PPP4R2: variants seen among roughly 807,000 people sequenced by gnomAD.
PPP4R2 encodes serine/threonine-protein phosphatase 4 regulatory subunit 2.
In PPP4R2, 13 loss-of-function variants were observed where a neutral mutation model predicts 47.2. That is an observed-to-expected ratio of 0.28 (90% CI 0.18 to 0.44). The LOEUF is 0.44. Among genes scored for constraint, PPP4R2 ranks in the 20% least tolerant of loss-of-function variants. The pLI, the probability that PPP4R2 is intolerant of heterozygous loss-of-function variation, is 1.00. For missense variants in PPP4R2, 421 were observed against 491.2 expected (o/e 0.86, Z 1.35); for synonymous variants, 151 against 163.3 (o/e 0.92, Z 0.57).
At chr3:73,062,993 G>A in intron 5 of PPP4R2, 1 of 1,101,648 alleles carries the variant, frequency 9.1e-7, no homozygotes, top group Non-Finnish European at 1.3e-6. Context: ...GGGCCATTGT[G>A]TCTGAGATCC....
At chr3:73,015,349 A>G (rs1037690284) in intron 2 of PPP4R2, among the ~76,000 whole-genome samples, 2 of 149,090 alleles carry the variant, frequency 1.3e-5, no homozygotes, top group African/African-American at 4.9e-5. Flanking sequence ...GCTGATTTTT[A>G]CATTTTTAGT....
chr3:73,025,176 G>T (rs1024851445), intron 2 of PPP4R2, among the ~76,000 whole-genome samples: 2 of 152,168 alleles, frequency 1.3e-5, no homozygotes, highest in Admixed American at 1.3e-4. Flanking sequence ...CTGGGGAGCT[G>T]ACTCATTAGT....
At chr3:73,052,574 A>G (rs1007794693) in intron 3 of PPP4R2, among the ~76,000 whole-genome samples, 55 of 108,158 alleles carry the variant, frequency 5.1e-4, no homozygotes, top group African/African-American at 2.1e-3. Context: ...GGTATACACA[A>G]AGAGGCATTT....
intron 7 of PPP4R2, 142 bp downstream of exon 7, chr3:73,064,288 T>G: frequency 1.4e-6 from 1 of 690,410 alleles, no homozygotes. Context: ...TGGCTTCTCT[T>G]TGCAGCTGTA....
At chr3:72,998,929 C>G (rs534778812) in intron 2 of PPP4R2, among the ~76,000 whole-genome samples, 70 of 152,080 alleles carry the variant, frequency 4.6e-4, no homozygotes, top group Non-Finnish European at 9.6e-4. Flanking sequence ...GGGTAGGTTT[C>G]TATGGTTTCA....
At chr3:73,062,804 T>G (rs778107698) in intron 5 of PPP4R2, 1 of 1,613,802 alleles carries the variant, frequency 6.2e-7, no homozygotes, top group African/African-American at 1.3e-5. Flanking sequence ...CAGCCATAGG[T>G]TGGATCAGCT....
rs181229240 is a variant in PPP4R2 at position 73,059,166 on chromosome 3, G to A, written c.381+36G>A. 2.4e-4 allele frequency: 239 copies of A among 1,009,106 alleles called. 1 individual carries two copies. In the East Asian group the frequency reaches 5.9e-3, roughly 25 times the overall value. 62.5% of individuals were successfully genotyped at this position (1,009,106 alleles called of 1,614,324 possible). A position where few individuals can be genotyped will look rare whatever the true frequency, so the allele number is the denominator to read the frequency against. On this transcript the variant is annotated intron_variant, in intron 4 of 8. Coordinates refer to ENST00000356692, the MANE Select transcript of PPP4R2 (RefSeq NM_174907.4). Reference sequence around the variant, plus strand: ...TATTATTGGAATTATATTATGCTGTGGTGTAATAGCTTTTATTTTAGAAAA... The same window carrying A: ...TATTATTGGAATTATATTATGCTGTAGTGTAATAGCTTTTATTTTAGAAAA...
At position 73,012,424 on chromosome 3, in the gene PPP4R2, C is replaced by T. The variant is rs533156878; in HGVS notation, c.116+14266C>T. ...ACGCCATTCTCCTGCCTCAGCCTCC[C>T]GCTTAGCTGGGACTACGAGCGCCTG... On this transcript the variant is annotated intron_variant, in intron 2 of 8. Coordinates refer to ENST00000356692, the MANE Select transcript of PPP4R2 (RefSeq NM_174907.4). Among the ~76,000 whole-genome samples the T allele has an allele frequency of 1.1e-4, 16 of 152,236 alleles. No individual in the cohort carries two copies. The East Asian group carries it at 2.3e-3, about 22-fold the overall frequency.
chr3:73,020,022 G>A (rs993673585), intron 2 of PPP4R2, among the ~76,000 whole-genome samples: 1 of 152,084 alleles, frequency 6.6e-6, no homozygotes, highest in Non-Finnish European at 1.5e-5. Context: ...CATATGTCAC[G>A]ATTTCTTCAA....
At position 73,000,421 on chromosome 3, in the gene PPP4R2, T is replaced by C. The variant is rs1398873880; in HGVS notation, c.116+2263T>C. Among the ~76,000 whole-genome samples the C allele has an allele frequency of 4.6e-5, 7 of 152,216 alleles. No homozygotes were observed. The South Asian group carries it at 1.4e-3, about 32-fold the overall frequency. ...AACAGAAGTAGTATGTGAAACTGTT[T>C]ATGGATCAAAATCAGTGACCCCCCA... On this transcript the variant is annotated intron_variant, in intron 2 of 8. Coordinates refer to ENST00000356692, the MANE Select transcript of PPP4R2 (RefSeq NM_174907.4).
In PPP4R2 at chr3:73,065,523, C is replaced by G; in HGVS notation, c.1055C>G (p.Ser352Cys). Residue 352 changes from serine (S) to cysteine (C), a missense_variant, in exon 9 of 9, where the codon TCT becomes TGT. Coordinates refer to ENST00000356692, the MANE Select transcript of PPP4R2 (RefSeq NM_174907.4). The stretch of plus-strand genomic sequence containing the variant: ...AATCAAATGGAGGAATCTGATGTGT[C>G]TCAAGCTGAGAAAGATTTGCTACAT... Reference protein sequence around the residue: ...ENNQMEESDVSQAEKDLLHSE... With the variant: ...ENNQMEESDVCQAEKDLLHSE... 1 of 1,611,988 alleles carries G rather than the reference C, an allele frequency of 6.2e-7. No individual in the cohort carries two copies. Among genetic ancestry groups the G allele is most frequent in the East Asian group, 2.2e-5 (1 of 44,858 alleles).
chr3:73,047,080 T>G (rs562313349), intron 2 of PPP4R2, 106 bp from the exon 3 acceptor site: 1 of 634,284 alleles, frequency 1.6e-6, no homozygotes, highest in African/African-American at 1.9e-5. Flanking sequence ...TATTCACATC[T>G]TAATTTTGTT....
In PPP4R2 at chr3:73,067,679, T is replaced by C. The variant is rs1703029269; in HGVS notation, c.*1957T>C. 6.6e-6 allele frequency: 1 copy of C among 152,172 alleles called. No homozygotes were observed. The highest frequency in any genetic ancestry group is 2.4e-5 in the African/African-American group (1 of 41,460). 9.4% of individuals were successfully genotyped at this position (152,172 alleles called of 1,614,324 possible). On this transcript the variant is annotated 3_prime_UTR_variant, in exon 9 of 9. Coordinates refer to ENST00000356692, the MANE Select transcript of PPP4R2 (RefSeq NM_174907.4). ...CCTAAGATCCTGTGACCTTTTGATA[T>C]TTTTTATTTTAATTGTAGTGCCATG...
At position 73,021,640 on chromosome 3, in the gene PPP4R2, A is replaced by G. The variant is rs138002921; in HGVS notation, c.116+23482A>G. ...TCTCAAAGGGGAAGCTCTGTTTATCACAGTATTTGTGTAATTCCTGATTTT... is the reference window on the plus strand; with the variant it reads ...TCTCAAAGGGGAAGCTCTGTTTATCGCAGTATTTGTGTAATTCCTGATTTT... On this transcript the variant is annotated intron_variant, in intron 2 of 8. Transcript: ENST00000356692. Among the ~76,000 whole-genome samples, 222 of 152,218 alleles carry G rather than the reference A, an allele frequency of 1.5e-3. 1 individual carries two copies. The highest frequency in any genetic ancestry group is 6.8e-3 in the Middle Eastern group (2 of 294).
chr3:73,005,531 C>G (rs1701589845), intron 2 of PPP4R2, among the ~76,000 whole-genome samples: 1 of 151,694 alleles, frequency 6.6e-6, no homozygotes, highest in African/African-American at 2.4e-5. Flanking sequence ...GTCTTGAATT[C>G]TTCTTTTGAG....
intron 2 of PPP4R2, among the ~76,000 whole-genome samples, chr3:73,046,250 C>T (rs1702484819): frequency 6.6e-6 from 1 of 152,110 alleles, no homozygotes. Context: ...TAGCTTTGAC[C>T]TCTTGGACCA....
rs1575893380 is a variant in PPP4R2, at chr3:73,063,588, C to T, written c.420-85C>T. On this transcript the variant is annotated intron_variant, in intron 5 of 8. Coordinates refer to ENST00000356692, the MANE Select transcript of PPP4R2 (RefSeq NM_174907.4). ...GCAGTGAGCTGAGATTGCACCACTG[C>T]ACTCCATTCCACCTTGGGTGACAGA... The T allele has an allele frequency of 1.2e-5, 9 of 743,660 alleles. No individual in the cohort carries two copies. In the East Asian group the frequency reaches 1.3e-4, roughly 11 times the overall value. The allele number at this position is 743,660 out of a possible 1,614,324, so 46.1% of individuals were successfully genotyped here. A position where few individuals can be genotyped will look rare whatever the true frequency, so the allele number is the denominator to read the frequency against.
intron 6 of PPP4R2, 71 bp downstream of exon 6, chr3:73,063,818 T>G: frequency 8.1e-7 from 1 of 1,235,048 alleles, no homozygotes; most frequent in Admixed American, 1.8e-5. Flanking sequence ...CTTAGTGTAC[T>G]TTTTAAAAAT....
chr3:73,065,589 C>A lies in PPP4R2; in HGVS notation c.1121C>A (p.Ser374Tyr), dbSNP rs146740147. Residue 374 changes from serine (S) to tyrosine (Y), a missense_variant, in exon 9 of 9, where the codon TCT becomes TAT. Transcript: ENST00000356692. ...AACGAAGGCCCTGTAAGTAGTAGTT[C>A]TTCTGACTGCCGTGAAACAGAAGAA... is the stretch of plus-strand genomic sequence containing the variant. ...SENEGPVSSS[S>Y]SDCRETEELV... 9.5e-4 allele frequency: 1,529 copies of A among 1,613,640 alleles called. 14 individuals are homozygous for A. The African/African-American group carries it at 0.019, about 20-fold the overall frequency.
Sources: allele counts gnomAD v4.1 joint callset (sites outside exome capture counted in the v4.1 genomes callset), GRCh38; gene constraint gnomAD v4.1.1; transcripts MANE v1.5; gene names NCBI Gene and HGNC (gene_info 2026-07-23, HGNC 2026-07-21).